Variants in IFT122 observed in about 807,000 individuals in gnomAD.
The protein encoded by IFT122 is intraflagellar transport protein 122 homolog.
A neutral mutation model predicts 161.6 loss-of-function variants in IFT122; 118 were observed. The observed-to-expected ratio is 0.73, with a 90% CI of 0.63 to 0.85. IFT122 has a LOEUF of 0.85. IFT122 is among the 40% of genes least tolerant of loss of function. The pLI, the probability that IFT122 is intolerant of heterozygous loss-of-function variation, is 0.00. For synonymous variants in IFT122, 550 were observed against 602.4 expected, an observed-to-expected ratio of 0.91 and a Z score of 1.27; for missense variants, 1,381 against 1,579.6, an observed-to-expected ratio of 0.87 and a Z score of 2.13.
At chr3:129,493,417 G>A (rs2080395077) in intron 17 of IFT122, among the ~76,000 whole-genome samples, 1 of 152,216 alleles carries the variant, frequency 6.6e-6, no homozygotes, top group Admixed American at 6.5e-5. Context: ...AATCTGCTCT[G>A]TGCCACATGC....
At chr3:129,454,625 A>C (rs2075264522) in intron 3 of IFT122, among the ~76,000 whole-genome samples, 2 of 150,388 alleles carry the variant, frequency 1.3e-5, no homozygotes, top group African/African-American at 4.9e-5. Context: ...GGAGAGCTGA[A>C]CTGTTTCTGT....
Position 129,460,312 on chromosome 3 carries a change from AT to A in IFT122, c.273-915del, listed in dbSNP as rs1400328577. ...TACCTCATATAAGTAGAGTCATACAATGTTTGTTCTTTTGTGGCTGAGTTAT... is the reference window on the plus strand; with the variant it reads ...TACCTCATATAAGTAGAGTCATACAAGTTTGTTCTTTTGTGGCTGAGTTAT... On this transcript the variant is annotated intron_variant, in intron 4 of 29. Transcript: ENST00000348417. Among the ~76,000 whole-genome samples the A allele has an allele frequency of 2.6e-5, 4 of 152,272 alleles. No individual in the cohort carries two copies. The East Asian group carries it at 5.8e-4, about 22-fold the overall frequency.
chr3:129,464,615 T>C lies in IFT122; in HGVS notation c.417-20T>C. ...GGGTGCTTCCCCTATCCCCATGCCT[T>C]TTGTTGGTTGTGTACACAGCTGGAC... is the stretch of plus-strand genomic sequence containing the variant. On this transcript the variant is annotated intron_variant, in intron 6 of 29. Coordinates refer to ENST00000348417, the MANE Select transcript of IFT122 (RefSeq NM_052989.3). 6.2e-7 allele frequency: 1 copy of C among 1,614,108 alleles called. No individual in the cohort carries two copies. Among genetic ancestry groups the C allele is most frequent in the Non-Finnish European group, 8.5e-7 (1 of 1,179,984 alleles).
intron 21 of IFT122, among the ~76,000 whole-genome samples, chr3:129,505,044 A>G (rs542644767): frequency 2.0e-5 from 3 of 152,256 alleles, no homozygotes; most frequent in Non-Finnish European, 4.4e-5. Flanking sequence ...TAAAGCAAGT[A>G]TAGAACTTTC....
In IFT122 at chr3:129,520,407, C is replaced by G. The variant is rs977256057; in HGVS notation, c.*142C>G. The G allele has an allele frequency of 2.3e-4, 168 of 716,876 alleles. No homozygotes were observed. The highest frequency in any genetic ancestry group is 5.0e-4 in the Admixed American group (25 of 49,794). The allele number at this position is 716,876 out of a possible 1,614,324, so 44.4% of individuals were successfully genotyped here. ...TTGTGGGGGGGGCCTTGTGTAACCA[C>G]GGAATTCCTATTTATGGCATTTCAT... On this transcript the variant is annotated 3_prime_UTR_variant, in exon 30 of 30. Transcript: ENST00000348417.
At chr3:129,476,267 A>T (rs765051032) in intron 9 of IFT122, 48 bp from the exon 10 acceptor site, 2 of 1,604,810 alleles carry the variant, frequency 1.2e-6, no homozygotes, top group Admixed American at 3.4e-5. Flanking sequence ...TGCAATGGTT[A>T]TGGATTCGGA....
intron 9 of IFT122, among the ~76,000 whole-genome samples, chr3:129,474,987 T>A (rs2077743094): frequency 6.6e-6 from 1 of 152,072 alleles, no homozygotes; most frequent in South Asian, 2.1e-4. Context: ...ACCCCACCTC[T>A]AAAAAAATAT....
intron 18 of IFT122, among the ~76,000 whole-genome samples, chr3:129,499,129 C>G (rs1291198237): frequency 1.3e-5 from 2 of 152,210 alleles, no homozygotes; most frequent in Non-Finnish European, 2.9e-5. Flanking sequence ...TCAGATTCCC[C>G]CATGGCCTCC....
intron 8 of IFT122, among the ~76,000 whole-genome samples, chr3:129,468,628 G>T (rs537798440): frequency 1.2e-4 from 18 of 152,354 alleles, no homozygotes; most frequent in African/African-American, 3.1e-4. Flanking sequence ...ACAAGCGTGA[G>T]CCATCACGGG....
At chr3:129,465,447 G>A (rs2076636064) in intron 7 of IFT122, among the ~76,000 whole-genome samples, 1 of 147,122 alleles carries the variant, frequency 6.8e-6, no homozygotes, top group Non-Finnish European at 1.5e-5. Flanking sequence ...GACTTTGAGA[G>A]TAAACTAATT....
At position 129,467,020 on chromosome 3, in the gene IFT122, G is replaced by A; in HGVS notation, c.694G>A (p.Glu232Lys). The A allele has an allele frequency of 6.2e-7, 1 of 1,614,186 alleles. No homozygotes were observed. The highest frequency in any genetic ancestry group is 8.5e-7 in the Non-Finnish European group (1 of 1,180,034). Residue 232 changes from glutamate to lysine, a missense_variant, in exon 8 of 30, where the codon GAG (glutamate) becomes AAG (lysine). Transcript: ENST00000348417. ...CAGTAGTCAGGGTAGTGAGGCAGAG[G>A]AGGAAGAACCAGAGGAAGAGGACGA... is the stretch of plus-strand genomic sequence containing the variant. ...VYSSQGSEAE[E>K]EEPEEEDDSP...
chr3:129,472,220 A>G (rs1052423376), intron 9 of IFT122, among the ~76,000 whole-genome samples: 1 of 152,066 alleles, frequency 6.6e-6, no homozygotes, highest in East Asian at 1.9e-4. Context: ...TGGTATGATC[A>G]TGGTTCACTG....
At chr3:129,470,349 C>T (rs928223544) in intron 9 of IFT122, among the ~76,000 whole-genome samples, 10 of 151,564 alleles carry the variant, frequency 6.6e-5, no homozygotes, top group African/African-American at 1.7e-4. Context: ...CTGCAAGCTC[C>T]GCCTCCTGGG....
At chr3:129,473,614 C>G (rs973516157) in intron 9 of IFT122, among the ~76,000 whole-genome samples, 8 of 152,212 alleles carry the variant, frequency 5.3e-5, no homozygotes, top group Non-Finnish European at 7.3e-5. Context: ...GGCTGCTTGG[C>G]ATCTTGTCAC....
Position 129,514,563 on chromosome 3 carries a change from G to A in IFT122, c.3153+9G>A. On this transcript the variant is annotated intron_variant, in intron 25 of 29. Coordinates refer to ENST00000348417, the MANE Select transcript of IFT122 (RefSeq NM_052989.3). Reference sequence around the variant, plus strand: ...CCTTCCACGACAGTGAGGTGAGGATGCAGCACCCTTGGGCAGGTGGCTTCT... The same window carrying A: ...CCTTCCACGACAGTGAGGTGAGGATACAGCACCCTTGGGCAGGTGGCTTCT... The A allele has an allele frequency of 6.2e-7, 1 of 1,614,174 alleles. No individual in the cohort carries two copies. Among genetic ancestry groups the A allele is most frequent in the East Asian group, 2.2e-5 (1 of 44,880 alleles).
intron 1 of IFT122, among the ~76,000 whole-genome samples, chr3:129,441,380 G>A (rs2073078437): frequency 6.6e-6 from 1 of 152,122 alleles, no homozygotes; most frequent in Non-Finnish European, 1.5e-5. Flanking sequence ...GGCACTAGTG[G>A]TAGCTGACAC....
intron 27 of IFT122, among the ~76,000 whole-genome samples, 178 bp from the exon 28 acceptor site, chr3:129,518,929 C>G (rs2084371850): frequency 6.6e-6 from 1 of 152,248 alleles, no homozygotes; most frequent in Admixed American, 6.5e-5. Context: ...GTGAGGGCAG[C>G]AGGGCCAGCA....
At chr3:129,510,815 C>T (rs1006982113) in intron 23 of IFT122, among the ~76,000 whole-genome samples, 3 of 152,336 alleles carry the variant, frequency 2.0e-5, no homozygotes, top group African/African-American at 4.8e-5. Flanking sequence ...ATGCCTACTA[C>T]GTGACAGACC....
intron 12 of IFT122, among the ~76,000 whole-genome samples, chr3:129,479,012 C>A (rs138588238): frequency 2.0e-5 from 3 of 151,958 alleles, no homozygotes; most frequent in South Asian, 2.1e-4. Context: ...GAAGGCTAGC[C>A]CAGCATCTTG....
Sources: allele counts gnomAD v4.1 joint callset (sites outside exome capture counted in the v4.1 genomes callset), GRCh38; gene constraint gnomAD v4.1.1; transcripts MANE v1.5; gene names NCBI Gene and HGNC (gene_info 2026-07-23, HGNC 2026-07-21).